Variants in SCN10A observed in about 807,000 individuals in gnomAD.
The protein encoded by SCN10A is sodium channel protein type 10 subunit alpha.
Under a neutral mutation model 170.7 loss-of-function variants are expected in SCN10A, and 162 were observed. The observed-to-expected ratio is 0.95, with a 90% CI of 0.84 to 1.08. The LOEUF is 1.08. Ranked by LOEUF, SCN10A falls within the 50% of genes least tolerant of loss-of-function variation. The pLI, the probability that SCN10A is intolerant of heterozygous loss-of-function variation, is 0.00. For missense variants in SCN10A, 2,527 were observed against 2,436.9 expected (o/e 1.04, Z -0.78); for synonymous variants, 985 against 904.6 (o/e 1.09, Z -1.59).
chr3:38,744,896 C>T (rs1198142942), intron 13 of SCN10A, among the ~76,000 whole-genome samples: 1 of 152,180 alleles, frequency 6.6e-6, no homozygotes, highest in Non-Finnish European at 1.5e-5. Flanking sequence ...CACTGTCATG[C>T]TGTTTTAATC....
chr3:38,735,938 T>C (rs896549864), intron 15 of SCN10A, among the ~76,000 whole-genome samples: 7 of 152,164 alleles, frequency 4.6e-5, no homozygotes, highest in African/African-American at 1.7e-4. Context: ...GAAACTCTGG[T>C]TTTTGCCTCA....
intron 4 of SCN10A, among the ~76,000 whole-genome samples, chr3:38,783,141 A>T (rs2064158709): frequency 6.6e-6 from 1 of 151,848 alleles, no homozygotes; most frequent in Non-Finnish European, 1.5e-5. Context: ...TAACCCAATC[A>T]CCTCCTTAGA....
At chr3:38,764,170 T>A (rs1429990188) in intron 5 of SCN10A, among the ~76,000 whole-genome samples, 1 of 152,246 alleles carries the variant, frequency 6.6e-6, no homozygotes, top group Admixed American at 6.5e-5. Context: ...TATTTTATTT[T>A]ATTTCAATAG....
intron 21 of SCN10A, among the ~76,000 whole-genome samples, chr3:38,715,745 C>T (rs1268846367): frequency 1.3e-5 from 2 of 152,180 alleles, no homozygotes; most frequent in Non-Finnish European, 2.9e-5. Context: ...TACTAATTGC[C>T]CCCAGCAGTG....
In SCN10A at chr3:38,744,494, A is replaced by T. The variant is rs772498793; in HGVS notation, c.1868-1965T>A. On this transcript the variant is annotated intron_variant, in intron 13 of 27. Coordinates refer to ENST00000449082, the MANE Select transcript of SCN10A (RefSeq NM_006514.4). Reference sequence around the variant, plus strand: ...AATTTTCTTCATTTTTTTATTTTAAATTTTTTTCTTTTTTTAAATTATACT... The same window carrying T: ...AATTTTCTTCATTTTTTTATTTTAATTTTTTTTCTTTTTTTAAATTATACT... 2.0e-5 allele frequency among the ~76,000 whole-genome samples: 3 copies of T among 150,450 alleles called. No homozygotes were observed. The South Asian group carries it at 6.3e-4, about 32-fold the overall frequency.
rs554790599 is a variant in SCN10A, at chr3:38,754,071, T to C, written c.1462-1559A>G. Among the ~76,000 whole-genome samples the C allele has an allele frequency of 3.3e-5, 5 of 152,338 alleles. No individual in the cohort carries two copies. In the South Asian group the frequency reaches 1.0e-3, roughly 32 times the overall value. On this transcript the variant is annotated intron_variant, in intron 11 of 27. Transcript: ENST00000449082. ...GTGGGCTCCAATAAATCAATTAGCATTAAAGAAGTACTTAAATGGTGCCTC... is the reference window on the plus strand; with the variant it reads ...GTGGGCTCCAATAAATCAATTAGCACTAAAGAAGTACTTAAATGGTGCCTC...
Position 38,725,244 on chromosome 3 carries a change from G to A in SCN10A, c.3158C>T (p.Ser1053Phe). ...CAGGGATGGAGCCAGGTCCTCAGAA[G>A]ATGTTCCAGTGCCTGGGCTCCTGGG... is the stretch of plus-strand genomic sequence containing the variant. ...LTPRSPGTGT[S>F]SEDLAPSLGE... The change falls in exon 18 of 28, where the codon TCT (serine) becomes TTT (phenylalanine). Residue 1053 changes from serine to phenylalanine, a missense_variant. Transcript: ENST00000449082. The A allele has an allele frequency of 6.2e-7, 1 of 1,607,012 alleles. No homozygotes were observed. The highest frequency in any genetic ancestry group is 8.5e-7 in the Non-Finnish European group (1 of 1,174,772).
chr3:38,774,222 C>T lies in SCN10A; in HGVS notation c.471-2815G>A, dbSNP rs113641258. 5.3e-3 allele frequency among the ~76,000 whole-genome samples: 809 copies of T among 152,224 alleles called. 8 individuals carry two copies. Among genetic ancestry groups the T allele is most frequent in the Middle Eastern group, 0.027 (8 of 294 alleles). ...ATATCTTGTTGGTTTCCCCCCCACA[C>T]TCTTTATGTTTTCTAAATTAGAAAA... On this transcript the variant is annotated intron_variant, in intron 4 of 27. Coordinates refer to ENST00000449082, the MANE Select transcript of SCN10A (RefSeq NM_006514.4).
In SCN10A at chr3:38,742,443, C is replaced by T; in HGVS notation, c.1954G>A (p.Val652Met). 1 of 1,614,172 alleles carries T rather than the reference C, an allele frequency of 6.2e-7. No homozygotes were observed. Among genetic ancestry groups the T allele is most frequent in the Non-Finnish European group, 8.5e-7 (1 of 1,180,038 alleles). Residue 652 changes from valine to methionine, a missense_variant, in exon 14 of 28, where the codon GTG (valine) becomes ATG (methionine). Coordinates refer to ENST00000449082, the MANE Select transcript of SCN10A (RefSeq NM_006514.4). ...CCAAAGAGAATTGTCTTGAGCTTCA[C>T]CCACATGGGGCAGCAATCCCAGATC... Reference protein sequence around the residue: ...YLIWDCCPMWVKLKTILFGLV... With the variant: ...YLIWDCCPMWMKLKTILFGLV...
chr3:38,783,812 A>G (rs2064166817), intron 4 of SCN10A, among the ~76,000 whole-genome samples: 8 of 151,620 alleles, frequency 5.3e-5, no homozygotes, highest in Admixed American at 5.3e-4. Flanking sequence ...CCAAATTTAC[A>G]CTCCCACCAG....
At chr3:38,779,283 T>C (rs11927856) in intron 4 of SCN10A, among the ~76,000 whole-genome samples, 37,549 of 152,024 alleles carry the variant, frequency 0.25, 4,845 homozygotes, top group Middle Eastern at 0.35. Flanking sequence ...CTAATTTCTA[T>C]AAAACAGCTG....
At chr3:38,715,402 T>C (rs1020611012) in intron 21 of SCN10A, among the ~76,000 whole-genome samples, 11 of 152,226 alleles carry the variant, frequency 7.2e-5, no homozygotes, top group Non-Finnish European at 1.5e-4. Flanking sequence ...ATTATGATCA[T>C]GTCTTTCTCT....
chr3:38,729,709 T>C (rs1451401506), intron 15 of SCN10A, among the ~76,000 whole-genome samples: 1 of 152,218 alleles, frequency 6.6e-6, no homozygotes. Flanking sequence ...TATGGTTCTC[T>C]AATTTGTCAG....
intron 1 of SCN10A, among the ~76,000 whole-genome samples, chr3:38,798,637 C>G (rs190329902): frequency 6.6e-6 from 1 of 152,124 alleles, no homozygotes; most frequent in East Asian, 1.9e-4. Context: ...GCTCCAAGCT[C>G]GGCCCTGGCT....
intron 4 of SCN10A, among the ~76,000 whole-genome samples, chr3:38,772,842 A>T (rs140744190): frequency 3.3e-3 from 507 of 152,328 alleles, no homozygotes; most frequent in African/African-American, 0.012. Context: ...TTCAAAGACA[A>T]AATGGAATTT....
At chr3:38,747,196 A>G (rs1156360180) in intron 13 of SCN10A, among the ~76,000 whole-genome samples, 3 of 152,130 alleles carry the variant, frequency 2.0e-5, no homozygotes, top group African/African-American at 7.2e-5. Flanking sequence ...CTGTCACAGC[A>G]TCTTCCTTGA....
In SCN10A at chr3:38,697,559, T is replaced by C. The variant is rs781131021; in HGVS notation, c.5661A>G (p.Ala1887=). 4 of 1,614,098 alleles carry C rather than the reference T, an allele frequency of 2.5e-6. No homozygotes were observed. Among genetic ancestry groups the C allele is most frequent in the Admixed American group, 1.7e-5 (1 of 60,006 alleles). The change falls in exon 28 of 28, where the codon GCA becomes GCG. Residue 1887 remains alanine (A), a synonymous_variant. Coordinates refer to ENST00000449082, the MANE Select transcript of SCN10A (RefSeq NM_006514.4). ...CAACAAAACCTTCATCTGGGAGTGA[T>C]GCAGCCTCCTCCTCAGCTCTGGGCA... ...PCVPRAEEEA[A]SLPDEGFVAF...
intron 13 of SCN10A, among the ~76,000 whole-genome samples, chr3:38,743,548 T>A (rs532837881): frequency 6.6e-6 from 1 of 152,348 alleles, no homozygotes; most frequent in South Asian, 2.1e-4. Context: ...GCCCCTGGAA[T>A]CTGACTTTAA....
intron 5 of SCN10A, among the ~76,000 whole-genome samples, chr3:38,765,950 A>G (rs184393798): frequency 1.7e-3 from 255 of 150,274 alleles, no homozygotes; most frequent in African/African-American, 5.6e-3. Context: ...GGTTAGGTAT[A>G]TTCCTAAGAT....
Sources: allele counts gnomAD v4.1 joint callset (sites outside exome capture counted in the v4.1 genomes callset), GRCh38; gene constraint gnomAD v4.1.1; transcripts MANE v1.5; gene names NCBI Gene and HGNC (gene_info 2026-07-23, HGNC 2026-07-21).